The following KCNH5 variants were observed in gnomAD, a reference collection of about 807,000 sequenced individuals.
KCNH5 encodes voltage-gated delayed rectifier potassium channel KCNH5.
A neutral mutation model predicts 96.1 loss-of-function variants in KCNH5; 46 were observed. That is an observed-to-expected ratio of 0.48 (90% CI 0.38 to 0.61). The LOEUF is 0.61. Ranked by LOEUF, KCNH5 falls within the 20% of genes least tolerant of loss-of-function variation. The probability of loss-of-function intolerance (pLI) is 0.00; values close to 1 mark genes in which losing one functional copy is unlikely to be tolerated. For synonymous variants in KCNH5, 439 were observed against 449.8 expected (o/e 0.98, Z 0.30); for missense variants, 907 against 1,225.8 (o/e 0.74, Z 3.88).
chr14:63,012,972 G>A (rs1249895012), intron 2 of KCNH5, among the ~76,000 whole-genome samples: 4 of 147,154 alleles, frequency 2.7e-5, no homozygotes, highest in African/African-American at 5.2e-5. Context: ...AGGGGGATGG[G>A]ATGAAAGGGA....
chr14:62,740,589 C>G (rs751817475), intron 10 of KCNH5, among the ~76,000 whole-genome samples: 5 of 152,114 alleles, frequency 3.3e-5, no homozygotes, highest in Non-Finnish European at 5.9e-5. Flanking sequence ...GACATAAGCC[C>G]AAAAGGATAA....
At position 62,799,101 on chromosome 14, in the gene KCNH5, C is replaced by T. The variant is rs578113334; in HGVS notation, c.1822+3228G>A. 6.6e-5 allele frequency among the ~76,000 whole-genome samples: 10 copies of T among 152,148 alleles called. No homozygotes were observed. The East Asian group carries it at 1.7e-3, about 27-fold the overall frequency. On this transcript the variant is annotated intron_variant, in intron 9 of 10. Coordinates refer to ENST00000322893, the MANE Select transcript of KCNH5 (RefSeq NM_139318.5). ...TGATGGCTTTTGGCATATTTAAATG[C>T]CAAAGGCCACAGTTGACAACTAAGA...
chr14:62,947,714 G>GACACTCACACACACACACAC (rs1555365046), intron 7 of KCNH5, among the ~76,000 whole-genome samples: 1 of 149,520 alleles, frequency 6.7e-6, no homozygotes, highest in African/African-American at 2.5e-5. Flanking sequence ...GGACAGCTTA[G>GACACTCACACACACACACAC]ACACACACAC....
At chr14:63,044,018 G>A (rs1174601584) in intron 1 of KCNH5, among the ~76,000 whole-genome samples, 2 of 152,090 alleles carry the variant, frequency 1.3e-5, no homozygotes, top group African/African-American at 4.8e-5. Flanking sequence ...TTGTTTCAAT[G>A]AATGAATAAA....
chr14:62,729,487 C>T (rs910508696), intron 10 of KCNH5, among the ~76,000 whole-genome samples: 1 of 152,142 alleles, frequency 6.6e-6, no homozygotes, highest in Non-Finnish European at 1.5e-5. Flanking sequence ...TAACATGTCT[C>T]AAAACAACTA....
At chr14:62,970,898 C>T (rs1043474450) in intron 6 of KCNH5, among the ~76,000 whole-genome samples, 4 of 151,642 alleles carry the variant, frequency 2.6e-5, no homozygotes, top group African/African-American at 9.7e-5. Context: ...AACCCTACAA[C>T]TAACATCATA....
At chr14:62,850,763 C>T (rs1311293885) in intron 7 of KCNH5, among the ~76,000 whole-genome samples, 2 of 152,144 alleles carry the variant, frequency 1.3e-5, no homozygotes, top group African/African-American at 4.8e-5. Flanking sequence ...CGCAACTTCC[C>T]TGCCCCTCTG....
rs1371083173 is a variant in KCNH5, at chr14:62,834,778, G to GA, written c.1569+14874dup. 1.4e-4 allele frequency among the ~76,000 whole-genome samples: 21 copies of GA among 151,990 alleles called. No homozygotes were observed. In the East Asian group the frequency reaches 1.9e-3, roughly 14 times the overall value. ...AAAAATAACATTTAATGGTATGTGA[G>GA]AAAAAATGGAATTCAAATTAATACG... is the stretch of plus-strand genomic sequence containing the variant. On this transcript the variant is annotated intron_variant, in intron 8 of 10. Transcript: ENST00000322893.
intron 5 of KCNH5, among the ~76,000 whole-genome samples, chr14:62,983,182 G>C (rs1429619686): frequency 1.3e-5 from 2 of 151,912 alleles, no homozygotes; most frequent in Non-Finnish European, 2.9e-5. Context: ...TGCCTTCCTA[G>C]ACTCCTTCAT....
At chr14:62,750,220 T>G (rs1355468779) in intron 10 of KCNH5, among the ~76,000 whole-genome samples, 1 of 152,220 alleles carries the variant, frequency 6.6e-6, no homozygotes, top group Admixed American at 6.5e-5. Context: ...GTTACCGGCT[T>G]TACTGTTTTA....
intron 9 of KCNH5, among the ~76,000 whole-genome samples, chr14:62,785,383 C>T (rs1886300568): frequency 6.6e-6 from 1 of 152,172 alleles, no homozygotes; most frequent in African/African-American, 2.4e-5. Flanking sequence ...TGAAGAAACA[C>T]TTTTCTTTAC....
At chr14:62,840,734 T>C (rs983272660) in intron 8 of KCNH5, among the ~76,000 whole-genome samples, 1 of 151,844 alleles carries the variant, frequency 6.6e-6, no homozygotes, top group Non-Finnish European at 1.5e-5. Context: ...CACATCCAGC[T>C]AATTTTTGTA....
intron 4 of KCNH5, among the ~76,000 whole-genome samples, chr14:62,988,246 T>A (rs1487221039): frequency 2.0e-5 from 3 of 152,112 alleles, no homozygotes; most frequent in African/African-American, 7.2e-5. Flanking sequence ...CATTAAAAAA[T>A]TTTATTAACA....
At chr14:62,947,933 C>T (rs1439329487) in intron 7 of KCNH5, among the ~76,000 whole-genome samples, 1 of 152,000 alleles carries the variant, frequency 6.6e-6, no homozygotes, top group East Asian at 1.9e-4. Flanking sequence ...CCCACTAACT[C>T]GTCATCTAGC....
At chr14:62,946,568 T>TA (rs967195926) in intron 7 of KCNH5, among the ~76,000 whole-genome samples, 4 of 152,048 alleles carry the variant, frequency 2.6e-5, no homozygotes, top group African/African-American at 7.2e-5. Context: ...GCAGGTTTGT[T>TA]ACATGGGTAA....
chr14:62,917,302 C>T (rs1889293814), intron 7 of KCNH5, among the ~76,000 whole-genome samples: 1 of 150,834 alleles, frequency 6.6e-6, no homozygotes, highest in Admixed American at 6.6e-5. Context: ...TTACTGCTCC[C>T]TACTCAATTT....
At chr14:62,753,873 A>G (rs1310299440) in intron 10 of KCNH5, among the ~76,000 whole-genome samples, 2 of 152,202 alleles carry the variant, frequency 1.3e-5, no homozygotes, top group Admixed American at 1.3e-4. Flanking sequence ...AGAATAGGAC[A>G]TTAATGAGCA....
intron 10 of KCNH5, among the ~76,000 whole-genome samples, chr14:62,752,716 C>T (rs1200840494): frequency 6.6e-6 from 1 of 152,024 alleles, no homozygotes; most frequent in Non-Finnish European, 1.5e-5. Context: ...ATTATGGGGG[C>T]AGTTTCCCCC....
rs147347421 is a variant in KCNH5 at position 62,988,972 on chromosome 14, C to T, written c.434-1785G>A. On this transcript the variant is annotated intron_variant, in intron 4 of 10. Transcript: ENST00000322893. ...AAATGGCCCCAAGATATTTCTAATG[C>T]CCAAATGAGAAACATGAAATTCGCC... Among the ~76,000 whole-genome samples the T allele has an allele frequency of 3.9e-5, 6 of 152,016 alleles. No homozygotes were observed. In the East Asian group the frequency reaches 1.2e-3, roughly 29 times the overall value.
Sources: gnomAD v4.1 joint callset for allele counts (sites outside exome capture counted in the v4.1 genomes callset) on GRCh38, gnomAD v4.1.1 for gene constraint, MANE v1.5 for transcripts, NCBI Gene and HGNC (gene_info 2026-07-23, HGNC 2026-07-21) for gene names.